Variants in SGCD observed in about 807,000 individuals in gnomAD.
SGCD encodes the protein delta-sarcoglycan.
SGCD carries 18 observed loss-of-function variants against 36.6 expected under a neutral mutation model. The observed-to-expected ratio is 0.49, with a 90% CI of 0.34 to 0.73. The LOEUF is 0.73. Ranked by LOEUF, SGCD falls within the 30% of genes least tolerant of loss-of-function variation. The probability of loss-of-function intolerance (pLI) is 0.01; values close to 1 mark genes in which losing one functional copy is unlikely to be tolerated. For synonymous variants in SGCD, 133 were observed against 130.6 expected (o/e 1.02, Z -0.12); for missense variants, 387 against 346.7 (o/e 1.12, Z -0.92).
At chr5:155,811,604 A>G in the SGCD span, among the ~76,000 whole-genome samples, 1 of 152,190 alleles carries the variant, frequency 6.6e-6, no homozygotes, top group Non-Finnish European at 1.5e-5. Context: ...AGTTATTGTC[A>G]GTTCTTAGTT....
chr5:156,183,883 A>T (rs1345438511), intron 3 of SGCD, among the ~76,000 whole-genome samples: 2 of 152,182 alleles, frequency 1.3e-5, no homozygotes, highest in Non-Finnish European at 2.9e-5. Flanking sequence ...AACTATGAAA[A>T]ATCAAGAGCA....
At chr5:155,751,756 A>G in the SGCD span, among the ~76,000 whole-genome samples, 5 of 152,098 alleles carry the variant, frequency 3.3e-5, no homozygotes, top group Admixed American at 6.5e-5. Flanking sequence ...TATTTTGCTC[A>G]AACAAGAACC....
At chr5:156,549,467 T>G (rs543022026) in intron 4 of SGCD, among the ~76,000 whole-genome samples, 395 of 152,330 alleles carry the variant, frequency 2.6e-3, no homozygotes, top group African/African-American at 8.8e-3. Context: ...GGGCATGGAC[T>G]TAGCTTGGCA....
intron 3 of SGCD, among the ~76,000 whole-genome samples, chr5:156,208,212 T>C (rs1764341911): frequency 6.6e-6 from 1 of 152,212 alleles, no homozygotes; most frequent in Admixed American, 6.5e-5. Context: ...TCAGTCTGCT[T>C]CTCACTGTGG....
intron 1 of SGCD, among the ~76,000 whole-genome samples, chr5:156,089,260 G>A (rs1244526764): frequency 1.3e-5 from 2 of 152,218 alleles, no homozygotes; most frequent in East Asian, 3.8e-4. Context: ...CTGATTTGGA[G>A]CAAGGCAACA....
chr5:156,568,562 G>A (rs1335985898), intron 4 of SGCD, among the ~76,000 whole-genome samples: 1 of 152,152 alleles, frequency 6.6e-6, no homozygotes, highest in African/African-American at 2.4e-5. Context: ...CTAGTGACTG[G>A]CTAGCAAGTC....
intron 3 of SGCD, among the ~76,000 whole-genome samples, chr5:156,438,259 G>T (rs2127793407): frequency 6.6e-6 from 1 of 152,248 alleles, no homozygotes; most frequent in African/African-American, 2.4e-5. Context: ...AATTACCACT[G>T]CTTTTCTGGC....
At chr5:156,041,176 T>A (rs1463352339) in intron 1 of SGCD, among the ~76,000 whole-genome samples, 2 of 152,194 alleles carry the variant, frequency 1.3e-5, no homozygotes, top group African/African-American at 4.8e-5. Context: ...TATAAACCAA[T>A]TGAAAAGTCA....
chr5:155,985,095 C>G (rs1758303861), intron 1 of SGCD, among the ~76,000 whole-genome samples: 1 of 152,212 alleles, frequency 6.6e-6, no homozygotes, highest in Non-Finnish European at 1.5e-5. Context: ...CATTAGTTGT[C>G]TATTCCTGAA....
At chr5:156,488,392 T>A (rs1755797920) in intron 3 of SGCD, among the ~76,000 whole-genome samples, 1 of 151,746 alleles carries the variant, frequency 6.6e-6, no homozygotes, top group Admixed American at 6.6e-5. Flanking sequence ...AAAGACAGAG[T>A]GAGAATTCTA....
chr5:156,538,668 A>G (rs1489587413), intron 4 of SGCD, among the ~76,000 whole-genome samples: 1 of 152,106 alleles, frequency 6.6e-6, no homozygotes, highest in Non-Finnish European at 1.5e-5. Context: ...CTTATCTAGG[A>G]TTGTATTAAG....
the SGCD span, among the ~76,000 whole-genome samples, chr5:155,729,082 C>G: frequency 6.6e-6 from 1 of 152,244 alleles, no homozygotes; most frequent in African/African-American, 2.4e-5. Flanking sequence ...TCTCCTTGCG[C>G]TTAATCTGGC....
intron 3 of SGCD, among the ~76,000 whole-genome samples, chr5:156,262,343 G>A (rs1242984066): frequency 2.0e-5 from 3 of 152,100 alleles, no homozygotes; most frequent in African/African-American, 7.2e-5. Flanking sequence ...GTTGCCTGCA[G>A]TATTTGGTAC....
intron 6 of SGCD, among the ~76,000 whole-genome samples, chr5:156,641,228 T>C (rs1763015195): frequency 1.3e-5 from 2 of 152,234 alleles, no homozygotes; most frequent in Non-Finnish European, 1.5e-5. Context: ...AACTAACATA[T>C]GTGCTGTAGA....
intron 1 of SGCD, among the ~76,000 whole-genome samples, chr5:155,918,291 A>G (rs1350425784): frequency 6.6e-6 from 1 of 152,206 alleles, no homozygotes; most frequent in Non-Finnish European, 1.5e-5. Flanking sequence ...TGTCGGGCAC[A>G]GTGGCTCACG....
the SGCD span, among the ~76,000 whole-genome samples, chr5:155,798,073 T>C: frequency 6.6e-6 from 1 of 152,242 alleles, no homozygotes; most frequent in Non-Finnish European, 1.5e-5. Context: ...AATCTCAAGC[T>C]ACCTCCTGTT....
At chr5:156,614,473 T>C (rs768582629) in intron 6 of SGCD, among the ~76,000 whole-genome samples, 25 of 152,162 alleles carry the variant, frequency 1.6e-4, no homozygotes, top group Non-Finnish European at 3.4e-4. Context: ...ATTCCTCTCC[T>C]TTTTGGCTAC....
chr5:155,965,274 C>T (rs988779848), intron 1 of SGCD, among the ~76,000 whole-genome samples: 6 of 152,098 alleles, frequency 3.9e-5, no homozygotes, highest in East Asian at 1.9e-4. Context: ...ATCAACCATA[C>T]GTCTTAAAGC....
chr5:156,345,762 C>T (rs1768907558), intron 3 of SGCD, among the ~76,000 whole-genome samples: 1 of 152,240 alleles, frequency 6.6e-6, no homozygotes, highest in African/African-American at 2.4e-5. Flanking sequence ...TAAACATGAC[C>T]TTTACAAAGT....
Sources: allele counts gnomAD v4.1 joint callset (sites outside exome capture counted in the v4.1 genomes callset), GRCh38; gene constraint gnomAD v4.1.1; transcripts MANE v1.5; gene names NCBI Gene and HGNC (gene_info 2026-07-23, HGNC 2026-07-21).